TRIM44: variants seen among roughly 807,000 people sequenced by gnomAD.
TRIM44 encodes the protein tripartite motif containing 44, also known as tripartite motif-containing protein 44.
Under a neutral mutation model 37.4 loss-of-function variants are expected in TRIM44, and 13 were observed. That is an observed-to-expected ratio of 0.35 (90% confidence interval 0.23 to 0.55). The LOEUF is 0.55. Among genes scored for constraint, TRIM44 ranks in the 20% least tolerant of loss-of-function variants. The pLI, the probability that TRIM44 is intolerant of heterozygous loss-of-function variation, is 0.89. For missense variants in TRIM44, 426 were observed against 437.2 expected (o/e 0.97, Z 0.23); for synonymous variants, 175 against 157.2 (o/e 1.11, Z -0.85).
intron 4 of TRIM44, among the ~76,000 whole-genome samples, chr11:35,769,898 T>A (rs141875829): frequency 2.6e-5 from 4 of 152,232 alleles, no homozygotes; most frequent in African/African-American, 9.6e-5. Flanking sequence ...TGAATTTATT[T>A]ATTTTTTTTA....
chr11:35,729,468 C>T (rs1032518829), intron 3 of TRIM44, among the ~76,000 whole-genome samples: 1 of 152,128 alleles, frequency 6.6e-6, no homozygotes, highest in Non-Finnish European at 1.5e-5. Context: ...GAAGTAGTAC[C>T]TCTTCGTTTT....
chr11:35,791,681 C>T (rs925644907), intron 4 of TRIM44, among the ~76,000 whole-genome samples: 3 of 152,228 alleles, frequency 2.0e-5, no homozygotes, highest in African/African-American at 7.2e-5. Context: ...CCTGGCATAC[C>T]CCCCGCTCCT....
intron 4 of TRIM44, among the ~76,000 whole-genome samples, chr11:35,771,199 T>C (rs1340954220): frequency 1.3e-5 from 2 of 152,112 alleles, no homozygotes; most frequent in African/African-American, 2.4e-5. Flanking sequence ...ATGCTGATAG[T>C]GATATGAACA....
chr11:35,780,929 G>C (rs528998077), intron 4 of TRIM44, among the ~76,000 whole-genome samples: 1 of 152,294 alleles, frequency 6.6e-6, no homozygotes, highest in South Asian at 2.1e-4. Context: ...GAACAAATCA[G>C]ATGAGATCCC....
chr11:35,730,813 A>T (rs1852247125), intron 3 of TRIM44, among the ~76,000 whole-genome samples: 1 of 151,632 alleles, frequency 6.6e-6, no homozygotes, highest in South Asian at 2.1e-4. Context: ...ATGTTAGTAT[A>T]TAAAAATATA....
Position 35,663,214 on chromosome 11 carries a change from G to A in TRIM44, c.103G>A (p.Glu35Lys). Residue 35 changes from glutamate to lysine, a missense_variant, in exon 1 of 5, where the codon GAA becomes AAA. Physicochemically the swap from Glu to Lys is moderately conservative, Grantham distance 56 (BLOSUM62 1). Coordinates refer to ENST00000299413, the MANE Select transcript of TRIM44 (RefSeq NM_017583.6). ...TCCGGGGGCCGAGGAAGTGTGCCGA[G>A]AATGCGGCTTCTGCTACTGCCGCCG... ...EAPGAEEVCRECGFCYCRRHA... is the reference protein window; with the variant it reads ...EAPGAEEVCRKCGFCYCRRHA... The A allele has an allele frequency of 5.0e-6, 8 of 1,603,974 alleles. No homozygotes were observed. Among genetic ancestry groups the A allele is most frequent in the Non-Finnish European group, 5.1e-6 (6 of 1,173,850 alleles).
At chr11:35,753,306 C>A (rs551659924) in intron 4 of TRIM44, among the ~76,000 whole-genome samples, 1 of 152,288 alleles carries the variant, frequency 6.6e-6, no homozygotes, top group East Asian at 1.9e-4. Flanking sequence ...GAGCCTAATA[C>A]CCCTGTAAGA....
At chr11:35,773,831 G>A (rs1191635317) in intron 4 of TRIM44, among the ~76,000 whole-genome samples, 2 of 152,150 alleles carry the variant, frequency 1.3e-5, no homozygotes, top group South Asian at 4.1e-4. Context: ...ATAGTATCCC[G>A]TGGTGTATAT....
chr11:35,803,571 A>C (rs933108768), intron 4 of TRIM44, among the ~76,000 whole-genome samples: 14 of 152,104 alleles, frequency 9.2e-5, no homozygotes, highest in Admixed American at 1.3e-4. Context: ...AAATACAAAA[A>C]TTAGCTGGGC....
rs1475517254 is a variant in TRIM44, at chr11:35,811,619, C to T, written c.*5234C>T. 2 of 152,194 alleles carry T rather than the reference C, an allele frequency of 1.3e-5. No individual in the cohort carries two copies. The highest frequency in any genetic ancestry group is 3.9e-4 in the East Asian group (2 of 5,184). 9.4% of individuals were successfully genotyped at this position (152,194 alleles called of 1,614,324 possible). The stretch of plus-strand genomic sequence containing the variant: ...AAATCAGAAGTCATATACTCAGAGG[C>T]CTTCAGGAGCCAAATGTGAAGACTC... On this transcript the variant is annotated 3_prime_UTR_variant, in exon 5 of 5. Transcript: ENST00000299413.
intron 4 of TRIM44, among the ~76,000 whole-genome samples, chr11:35,793,803 G>A (rs990264840): frequency 2.0e-5 from 3 of 152,100 alleles, no homozygotes; most frequent in Admixed American, 6.5e-5. Context: ...TAGTTTCAGC[G>A]CTGCCTAGGA....
chr11:35,725,992 TGAG>T lies in TRIM44; in HGVS notation c.820_822del (p.Glu274del). On this transcript the variant is annotated inframe_deletion, in exon 3 of 5. Transcript: ENST00000299413. ...AGAAAGTTCAGAAAGTGATTGCTGA[TGAG>T]GAGCAGAAGGCCCTTCATCTAGTGG... is the stretch of plus-strand genomic sequence containing the variant. 1 of 1,614,076 alleles carries T rather than the reference TGAG, an allele frequency of 6.2e-7. No individual in the cohort carries two copies. The highest frequency in any genetic ancestry group is 8.5e-7 in the Non-Finnish European group (1 of 1,179,996).
intron 3 of TRIM44, among the ~76,000 whole-genome samples, chr11:35,728,662 C>G (rs975996071): frequency 9.9e-5 from 15 of 152,090 alleles, no homozygotes; most frequent in Admixed American, 1.3e-4. Context: ...GAATTATGTT[C>G]TTTTTGTGGT....
chr11:35,798,730 T>C (rs1853327209), intron 4 of TRIM44, among the ~76,000 whole-genome samples: 2 of 152,348 alleles, frequency 1.3e-5, no homozygotes, highest in South Asian at 4.1e-4. Flanking sequence ...TCAATCATGA[T>C]CATAATCTTA....
intron 4 of TRIM44, among the ~76,000 whole-genome samples, chr11:35,761,030 G>A (rs1470111806): frequency 6.6e-6 from 1 of 152,070 alleles, no homozygotes; most frequent in Non-Finnish European, 1.5e-5. Flanking sequence ...CCACATATTA[G>A]TAAGGTTGTA....
chr11:35,777,959 T>A (rs969373843), intron 4 of TRIM44, among the ~76,000 whole-genome samples: 3 of 152,202 alleles, frequency 2.0e-5, no homozygotes, highest in Non-Finnish European at 4.4e-5. Flanking sequence ...TCAAGGAGTA[T>A]CTTTGTGGCA....
chr11:35,693,601 G>T (rs976167426), intron 2 of TRIM44, among the ~76,000 whole-genome samples: 1 of 152,134 alleles, frequency 6.6e-6, no homozygotes, highest in Non-Finnish European at 1.5e-5. Context: ...GGTTTGGTCT[G>T]TTGGGGCCTA....
chr11:35,789,701 T>C (rs1170304004), intron 4 of TRIM44, among the ~76,000 whole-genome samples: 1 of 152,138 alleles, frequency 6.6e-6, no homozygotes, highest in Non-Finnish European at 1.5e-5. Flanking sequence ...TAAGCCGTCT[T>C]AGAGGGCGAC....
At chr11:35,707,314 A>G (rs1261509541) in intron 2 of TRIM44, among the ~76,000 whole-genome samples, 1 of 152,196 alleles carries the variant, frequency 6.6e-6, no homozygotes, top group Non-Finnish European at 1.5e-5. Context: ...GGAAGAATCA[A>G]TATCGTGAAA....
Sources: gnomAD v4.1 joint callset for allele counts (sites outside exome capture counted in the v4.1 genomes callset) on GRCh38, gnomAD v4.1.1 for gene constraint, MANE v1.5 for transcripts, NCBI Gene and HGNC (gene_info 2026-07-23, HGNC 2026-07-21) for gene names.